ACOT2: variants seen among roughly 807,000 people sequenced by gnomAD.
ACOT2 encodes acyl-coenzyme A thioesterase 2, mitochondrial.
In ACOT2, 15 loss-of-function variants were observed where a neutral mutation model predicts 20.1. That is an observed-to-expected ratio of 0.75 (90% CI 0.50 to 1.15). The LOEUF (loss-of-function observed/expected upper bound fraction) is 1.15. ACOT2 is among the 50% of genes most tolerant of loss of function. The probability of loss-of-function intolerance (pLI) is 0.00; values close to 1 mark genes in which losing one functional copy is unlikely to be tolerated. For synonymous variants in ACOT2, 252 were observed against 268.4 expected, an observed-to-expected ratio of 0.94 and a Z score of 0.60; for missense variants, 479 against 615.3, an observed-to-expected ratio of 0.78 and a Z score of 2.34.
chr14:73,570,134 C>G lies in ACOT2; in HGVS notation c.643+251C>G, dbSNP rs544783493. On this transcript the variant is annotated intron_variant, in intron 1 of 2. Coordinates refer to ENST00000238651, the MANE Select transcript of ACOT2 (RefSeq NM_006821.6). ...ACTTTTTTTTTTTTTCCGTCCCTGC[C>G]CTTTTCACACGAAGAAGGGATGTAG... 1.6e-3 allele frequency among the ~76,000 whole-genome samples: 239 copies of G among 151,444 alleles called. 6 individuals carry two copies. The highest frequency in any genetic ancestry group is 1.7e-3 in the Non-Finnish European group (117 of 67,742).
At position 73,574,829 on chromosome 14, in the gene ACOT2, C is replaced by A. The variant is rs2140336890; in HGVS notation, c.847-79C>A. ...TAGATTCAGACTCAGGTTCAACTAA[C>A]TTCCAGGGTGGACACAACTCACCAT... On this transcript the variant is annotated intron_variant, in intron 2 of 2. Transcript: ENST00000238651. 2.5e-6 allele frequency: 4 copies of A among 1,605,868 alleles called. No individual in the cohort carries two copies. In the East Asian group the frequency reaches 6.7e-5, roughly 27 times the overall value.
intron 2 of ACOT2, 45 bp from the exon 3 acceptor site, chr14:73,574,863 G>A (rs1889847665): frequency 1.2e-6 from 2 of 1,613,042 alleles, no homozygotes; most frequent in Admixed American, 3.3e-5. Flanking sequence ...ATATTCCACT[G>A]TTTGTGGAAT....
upstream of ACOT2, among the ~76,000 whole-genome samples, chr14:73,568,315 G>A (rs1004815145): frequency 2.6e-5 from 4 of 151,294 alleles, no homozygotes; most frequent in African/African-American, 9.7e-5. Context: ...ATAAAATCAG[G>A]TACAAGGGCT....
intron 1 of ACOT2, 60 bp downstream of exon 1, chr14:73,569,943 C>G (rs1427153172): frequency 2.0e-6 from 3 of 1,535,626 alleles, no homozygotes; most frequent in African/African-American, 2.7e-5. Flanking sequence ...GTGTCTCCCC[C>G]GCCCCACGCT....
At chr14:73,572,788 G>T (rs1362027096) in intron 1 of ACOT2, among the ~76,000 whole-genome samples, 1 of 149,472 alleles carries the variant, frequency 6.7e-6, no homozygotes, top group Non-Finnish European at 1.5e-5. Context: ...TGGGATTACA[G>T]GTGGCCGCCA....
intron 1 of ACOT2, 113 bp from the exon 2 acceptor site, chr14:73,573,275 T>TA (rs1270785433): frequency 9.6e-6 from 14 of 1,464,624 alleles, no homozygotes; most frequent in Non-Finnish European, 1.3e-5. Flanking sequence ...CGTGGGTAGA[T>TA]ACCTAGGAGT....
At position 73,569,823 on chromosome 14, in the gene ACOT2, G is replaced by A. The variant is rs757094009; in HGVS notation, c.583G>A (p.Gly195Arg). 2.6e-5 allele frequency: 42 copies of A among 1,600,178 alleles called. 1 individual carries two copies. Among genetic ancestry groups the A allele is most frequent in the African/African-American group, 8.0e-5 (6 of 74,604 alleles). ...GCACGAGCGCTACTTCCTCCCGCCC[G>A]GGGTGCGGCGCGAGCCGGTGCGCGT... The part of the protein sequence containing the change: ...TRHERYFLPP[G>R]VRREPVRVGR... The change falls in exon 1 of 3, where the codon GGG (glycine) becomes AGG (arginine). Residue 195 changes from glycine (G) to arginine (R), a missense_variant. Gly to Arg is a moderately radical substitution (Grantham distance 125, BLOSUM62 -2). Transcript: ENST00000238651.
intron 1 of ACOT2, among the ~76,000 whole-genome samples, chr14:73,570,433 G>A (rs1229088083): frequency 6.6e-6 from 1 of 151,956 alleles, no homozygotes; most frequent in East Asian, 1.9e-4. Context: ...GCTGGGCGTA[G>A]TAGCGGGCGC....
rs1466537836 is a variant in ACOT2, at chr14:73,569,783, G to A, written c.543G>A (p.Leu181=). 7 of 1,605,398 alleles carry A rather than the reference G, an allele frequency of 4.4e-6. No individual in the cohort carries two copies. The highest frequency in any genetic ancestry group is 5.1e-6 in the Non-Finnish European group (6 of 1,176,546). Residue 181 remains leucine (L), a synonymous_variant, in exon 1 of 3, where the codon CTG becomes CTA. Transcript: ENST00000238651. Reference sequence around the variant, plus strand: ...GCCACGACCCCGACCCCGGGCGGCTGCTGTGCCAGACGCGGCACGAGCGCT... The same window carrying A: ...GCCACGACCCCGACCCCGGGCGGCTACTGTGCCAGACGCGGCACGAGCGCT... The part of the protein sequence containing the change: ...LDGHDPDPGR[L]LCQTRHERYF...
chr14:73,573,306 G>A, intron 1 of ACOT2, 82 bp from the exon 2 acceptor site: 1 of 1,592,424 alleles, frequency 6.3e-7, no homozygotes, highest in Non-Finnish European at 8.6e-7. Context: ...GGTCACATGT[G>A]TGGTAAGTAT....
intron 1 of ACOT2, among the ~76,000 whole-genome samples, chr14:73,570,587 G>A (rs944398063): frequency 6.6e-6 from 1 of 151,398 alleles, no homozygotes; most frequent in South Asian, 2.1e-4. Context: ...GACATTGTAA[G>A]GAAAGGAAAA....
intron 1 of ACOT2, 92 bp downstream of exon 1, chr14:73,569,975 C>G (rs1429449796): frequency 2.1e-6 from 3 of 1,460,256 alleles, no homozygotes; most frequent in African/African-American, 2.9e-5. Context: ...TGTATGCCCC[C>G]CCGCCGCGCC....
rs750168145 is a variant in ACOT2 at position 73,575,352 on chromosome 14, CT to C, written c.1292del (p.Leu431ArgfsTer65). 4.6e-5 allele frequency: 47 copies of C among 1,012,182 alleles called. No individual in the cohort carries two copies. The African/African-American group carries it at 9.0e-4, about 19-fold the overall frequency. The allele number at this position is 1,012,182 out of a possible 1,614,324, so 62.7% of individuals were successfully genotyped here. A position where few individuals can be genotyped will look rare whatever the true frequency, so the allele number is the denominator to read the frequency against. On this transcript the variant is annotated frameshift_variant, in exon 3 of 3. Coordinates refer to ENST00000238651, the MANE Select transcript of ACOT2 (RefSeq NM_006821.6). LOFTEE classifies it low-confidence loss of function (END_TRUNC). ...CTATATTGAGCCTCCTTACTTCCCC[CT>C]GTGTCGGGCTTCCCTGCATGCCTTG... ...GHYIEPPYFP[L>X]CRASLHALVG...
At chr14:73,570,568 CAAAA>C (rs199619791) in intron 1 of ACOT2, among the ~76,000 whole-genome samples, 8 of 143,994 alleles carry the variant, frequency 5.6e-5, no homozygotes, top group Non-Finnish European at 9.2e-5. Flanking sequence ...GACTCCGTCT[CAAAA>C]AAAAGACATT....
At chr14:73,569,922 T>C in intron 1 of ACOT2, 39 bp downstream of exon 1, 1 of 1,577,626 alleles carries the variant, frequency 6.3e-7, no homozygotes, top group Non-Finnish European at 8.6e-7. Context: ...TTCGTTCGCC[T>C]TTCACTTTGT....
At chr14:73,568,318 C>A (rs1311527100), upstream of ACOT2, among the ~76,000 whole-genome samples, 1 of 150,396 alleles carries the variant, frequency 6.6e-6, no homozygotes, top group African/African-American at 2.4e-5. Context: ...AAATCAGGTA[C>A]AAGGGCTTGG....
chr14:73,571,757 T>A (rs912458460), intron 1 of ACOT2: 4 of 152,082 alleles, frequency 2.6e-5, no homozygotes, highest in African/African-American at 9.7e-5. Context: ...AAATGTTCTT[T>A]AAAAGTTTCT....
upstream of ACOT2, chr14:73,567,747 G>A (rs1889631523): frequency 6.6e-6 from 1 of 152,028 alleles, no homozygotes; most frequent in Non-Finnish European, 1.5e-5. Flanking sequence ...AAGGTATACA[G>A]CTTCACTCCT....
chr14:73,573,408 A>G lies in ACOT2; in HGVS notation c.664A>G (p.Ile222Val). 2 of 1,613,510 alleles carry G rather than the reference A, an allele frequency of 1.2e-6. No individual in the cohort carries two copies. The highest frequency in any genetic ancestry group is 1.7e-6 in the Non-Finnish European group (2 of 1,179,678). The change falls in exon 2 of 3, where the codon ATT becomes GTT. Residue 222 changes from isoleucine (I) to valine (V), a missense_variant. Ile to Val is a conservative substitution (Grantham distance 29). Coordinates refer to ENST00000238651, the MANE Select transcript of ACOT2 (RefSeq NM_006821.6). ...LPPEPGPFPG[I>V]VDMFGTGGGL... ...CCAAGAACCTGGGCCCTTTCCTGGG[A>G]TTGTGGACATGTTCGGAACTGGAGG...
Sources: allele counts gnomAD v4.1 joint callset (sites outside exome capture counted in the v4.1 genomes callset), GRCh38; gene constraint gnomAD v4.1.1; transcripts MANE v1.5; gene names NCBI Gene and HGNC (gene_info 2026-07-23, HGNC 2026-07-21).